Variants in ZNG1E observed in about 807,000 individuals in gnomAD.
ZNG1E encodes zinc-regulated GTPase metalloprotein activator 1E.
At chr9:65,663,635 TATGA>T in the ZNG1E span, among the ~76,000 whole-genome samples, 1 of 151,290 alleles carries the variant, frequency 6.6e-6, no homozygotes, top group Non-Finnish European at 1.5e-5. Flanking sequence ...ACAATAGTGC[TATGA>T]ATGTCATAAA....
chr9:65,657,531 C>T, the ZNG1E span, among the ~76,000 whole-genome samples: 2 of 152,250 alleles, frequency 1.3e-5, no homozygotes, highest in Non-Finnish European at 2.9e-5. Flanking sequence ...AACAGTTGAA[C>T]TCAGGGAGAT....
At chr9:65,694,482 G>A in the ZNG1E span, among the ~76,000 whole-genome samples, 2 of 151,854 alleles carry the variant, frequency 1.3e-5, no homozygotes, top group South Asian at 2.1e-4. Context: ...CACAGTAAAC[G>A]TTTAACCTTC....
chr9:65,691,486 G>A, the ZNG1E span, among the ~76,000 whole-genome samples: 3 of 152,116 alleles, frequency 2.0e-5, no homozygotes, highest in African/African-American at 4.8e-5. Context: ...TTAGTTTAAT[G>A]ATGAAATCTT....
chr9:65,721,709 A>C, the ZNG1E span, among the ~76,000 whole-genome samples: 1 of 150,636 alleles, frequency 6.6e-6, no homozygotes, highest in Non-Finnish European at 1.5e-5. Flanking sequence ...TATTAAAGCA[A>C]ATTCCAGACA....
chr9:65,681,124 A>G, the ZNG1E span, among the ~76,000 whole-genome samples: 1 of 151,584 alleles, frequency 6.6e-6, no homozygotes, highest in Admixed American at 6.6e-5. Context: ...GTTTTTACTC[A>G]TTGGGAATAT....
At chr9:65,712,342 GTC>G in the ZNG1E span, among the ~76,000 whole-genome samples, 1 of 48,088 alleles carries the variant, frequency 2.1e-5, no homozygotes, top group Non-Finnish European at 3.6e-5. Flanking sequence ...GGTTTTTTGT[GTC>G]TCTATTTCCT....
chr9:65,702,125 AGT>A, the ZNG1E span, among the ~76,000 whole-genome samples: 1 of 149,542 alleles, frequency 6.7e-6, no homozygotes, highest in Non-Finnish European at 1.5e-5. Flanking sequence ...ATCAGACTAG[AGT>A]GTATTCAAAA....
the ZNG1E span, among the ~76,000 whole-genome samples, chr9:65,686,507 G>A: frequency 6.6e-6 from 1 of 152,126 alleles, no homozygotes; most frequent in East Asian, 1.9e-4. Flanking sequence ...TTGGTGGTGG[G>A]AGCCTGTAAT....
the ZNG1E span, among the ~76,000 whole-genome samples, chr9:65,673,593 A>G: frequency 2.0e-5 from 3 of 152,224 alleles, no homozygotes; most frequent in East Asian, 3.8e-4. Context: ...GTTAGAGATG[A>G]GACTTTAGAC....
chr9:65,672,169 C>T, the ZNG1E span, among the ~76,000 whole-genome samples: 1 of 149,042 alleles, frequency 6.7e-6, no homozygotes, highest in African/African-American at 2.5e-5. Context: ...AAAATGGGCA[C>T]ACAAATAGTA....
At chr9:65,682,610 GA>G in the ZNG1E span, 1 of 588,064 alleles carries the variant, frequency 1.7e-6, no homozygotes, top group Admixed American at 3.8e-5. Context: ...GTAAATATGG[GA>G]CAGACATTTT....
the ZNG1E span, chr9:65,719,955 G>A: frequency 6.5e-7 from 1 of 1,548,406 alleles, no homozygotes; most frequent in Non-Finnish European, 8.7e-7. Flanking sequence ...GTTATGGAAA[G>A]TCACTTCATT....
the ZNG1E span, among the ~76,000 whole-genome samples, chr9:65,668,485 A>C: frequency 6.6e-6 from 1 of 150,768 alleles, no homozygotes; most frequent in African/African-American, 2.4e-5. Context: ...TTTATATATA[A>C]ATACTATATA....
the ZNG1E span, among the ~76,000 whole-genome samples, chr9:65,709,492 TCCCTCCC>T: frequency 8.8e-6 from 1 of 114,164 alleles, no homozygotes; most frequent in Non-Finnish European, 1.7e-5. Flanking sequence ...CCCAATGCTA[TCCCTCCC>T]CCCTCCCCCC....
chr9:65,654,927 T>C, the ZNG1E span, among the ~76,000 whole-genome samples: 1 of 151,844 alleles, frequency 6.6e-6, no homozygotes, highest in Non-Finnish European at 1.5e-5. Flanking sequence ...GAGCCTAGTG[T>C]AGTTGGGGAG....
chr9:65,659,324 G>A, the ZNG1E span, among the ~76,000 whole-genome samples: 32 of 121,494 alleles, frequency 2.6e-4, no homozygotes, highest in African/African-American at 7.9e-4. Context: ...GTGAAACGCT[G>A]TCTCTACTAA....
At chr9:65,691,616 C>T in the ZNG1E span, among the ~76,000 whole-genome samples, 1 of 152,254 alleles carries the variant, frequency 6.6e-6, no homozygotes, top group African/African-American at 2.4e-5. Flanking sequence ...TTTTCTGTAT[C>T]CTCTGTTGTT....
the ZNG1E span, among the ~76,000 whole-genome samples, chr9:65,677,917 ATG>A: frequency 1.3e-5 from 2 of 150,500 alleles, no homozygotes; most frequent in Non-Finnish European, 2.9e-5. Flanking sequence ...CCTATTGAAT[ATG>A]TCACCCTGAG....
At chr9:65,674,152 A>G in the ZNG1E span, among the ~76,000 whole-genome samples, 1 of 148,048 alleles carries the variant, frequency 6.8e-6, no homozygotes, top group Admixed American at 6.8e-5. Flanking sequence ...CGCCTAAGGT[A>G]TTTGCCTTAT....
Sources: gnomAD v4.1 joint callset for allele counts (sites outside exome capture counted in the v4.1 genomes callset) on GRCh38, gnomAD v4.1.1 for gene constraint, MANE v1.5 for transcripts, NCBI Gene and HGNC (gene_info 2026-07-23, HGNC 2026-07-21) for gene names.